The following ETF1 variants were observed in gnomAD, a reference collection of about 807,000 sequenced individuals.
ETF1 encodes eukaryotic translation termination factor 1.
In ETF1, 4 loss-of-function variants were observed where a neutral mutation model predicts 55.1. The observed-to-expected ratio is 0.07, with a 90% CI of 0.04 to 0.17. The LOEUF (loss-of-function observed/expected upper bound fraction) is 0.17, where lower values mean the gene tolerates loss of function less well. Among genes scored for constraint, ETF1 ranks in the 10% least tolerant of loss-of-function variants. The probability of loss-of-function intolerance (pLI) is 1.00; values close to 1 mark genes in which losing one functional copy is unlikely to be tolerated. For synonymous variants in ETF1, 157 were observed against 182.3 expected, an observed-to-expected ratio of 0.86 and a Z score of 1.12; for missense variants, 142 against 523.6, an observed-to-expected ratio of 0.27 and a Z score of 7.11.
At chr5:138,532,444 G>T (rs986562956) in intron 2 of ETF1, among the ~76,000 whole-genome samples, 4 of 152,160 alleles carry the variant, frequency 2.6e-5, no homozygotes, top group Non-Finnish European at 5.9e-5. Context: ...TATATGTCAA[G>T]TGCCTAGCTT....
rs11242432 is a variant in ETF1, at chr5:138,537,901, T to A, written c.86+4932A>T. ...GGCCCCTATTATTATTATTATTTTT[T>A]TTTTTTCTGAGACTGAGTTTTGCTC... On this transcript the variant is annotated intron_variant, in intron 2 of 10. Transcript: ENST00000360541. Among the ~76,000 whole-genome samples, 132 of 146,872 alleles carry A rather than the reference T, an allele frequency of 9.0e-4. 1 individual carries two copies. Among genetic ancestry groups the A allele is most frequent in the African/African-American group, 2.9e-3 (116 of 39,680 alleles).
At position 138,510,604 on chromosome 5, in the gene ETF1, T is replaced by C; in HGVS notation, c.1044A>G (p.Pro348=). The C allele has an allele frequency of 6.2e-7, 1 of 1,612,668 alleles. No homozygotes were observed. The highest frequency in any genetic ancestry group is 1.7e-5 in the Admixed American group (1 of 59,998). ...AATGAGATTTATCCTTTTCTTGCTC[T>C]GGAGTTAGATAGAGAATTTTCTCCT... The part of the protein sequence containing the change: ...TEEEKILYLT[P]EQEKDKSHFT... The change falls in exon 9 of 11, where the codon CCA becomes CCG. Residue 348 remains proline (P), a synonymous_variant. Transcript: ENST00000360541.
At position 138,512,809 on chromosome 5, in the gene ETF1, G is replaced by A. The variant is rs145474099; in HGVS notation, c.687C>T (p.Ser229=). 658 of 1,599,946 alleles carry A rather than the reference G, an allele frequency of 4.1e-4. No homozygotes were observed. The highest frequency in any genetic ancestry group is 5.3e-4 in the Non-Finnish European group (624 of 1,175,262). The change falls in exon 6 of 11, where the codon TCC becomes TCT. Residue 229 remains serine (S), a synonymous_variant. Transcript: ENST00000360541. ...GACTTAGTTCAGTTTTAAAGTCAGC[G>A]GATCCAGCTAAAACTAGACCAGCCA... is the stretch of plus-strand genomic sequence containing the variant. ...VNVAGLVLAG[S]ADFKTELSQS...
chr5:138,543,042 C>T, intron 1 of ETF1, 55 bp downstream of exon 1: 1 of 969,032 alleles, frequency 1.0e-6, no homozygotes, highest in Non-Finnish European at 1.6e-6. Flanking sequence ...CCCTCTCCTC[C>T]CGTCCGGTGC....
At chr5:138,539,622 C>A (rs955242171) in intron 2 of ETF1, among the ~76,000 whole-genome samples, 6 of 152,160 alleles carry the variant, frequency 3.9e-5, no homozygotes, top group African/African-American at 1.4e-4. Flanking sequence ...CTACCCAAAT[C>A]AAAAATCAAG....
At chr5:138,532,792 C>A (rs1189977426) in intron 2 of ETF1, among the ~76,000 whole-genome samples, 1 of 152,334 alleles carries the variant, frequency 6.6e-6, no homozygotes. Context: ...CATAGAAATT[C>A]ATTCCTTTCT....
chr5:138,525,397 C>T (rs1011113356), intron 2 of ETF1, among the ~76,000 whole-genome samples: 2 of 151,518 alleles, frequency 1.3e-5, no homozygotes, highest in Non-Finnish European at 2.9e-5. Context: ...ACCTCGTGAT[C>T]CGCCTGCCTC....
At chr5:138,514,035 A>T in intron 4 of ETF1, 1 of 462,316 alleles carries the variant, frequency 2.2e-6, no homozygotes, top group Non-Finnish European at 2.8e-6. Flanking sequence ...ACTCAATCTC[A>T]AAAAGGAAGA....
chr5:138,517,906 T>G, intron 3 of ETF1: 5 of 984,890 alleles, frequency 5.1e-6, no homozygotes, highest in Non-Finnish European at 6.0e-6. Context: ...ATTTATTCTT[T>G]AAAGTAAACA....
At chr5:138,536,542 C>T (rs1172291367) in intron 2 of ETF1, among the ~76,000 whole-genome samples, 1 of 152,198 alleles carries the variant, frequency 6.6e-6, no homozygotes. Context: ...TTCCTTCTCC[C>T]CCTCACTAAG....
In ETF1 at chr5:138,542,752, C is replaced by T. The variant is rs557999571; in HGVS notation, c.86+81G>A. On this transcript the variant is annotated intron_variant, in intron 2 of 10. Transcript: ENST00000360541. Reference sequence around the variant, plus strand: ...TTGGCTAGTGCCTGGTTCTCCTCATCCGGCCATGCGGCGCGGGGGCGTCCA... The same window carrying T: ...TTGGCTAGTGCCTGGTTCTCCTCATTCGGCCATGCGGCGCGGGGGCGTCCA... 99 of 1,569,858 alleles carry T rather than the reference C, an allele frequency of 6.3e-5. No individual in the cohort carries two copies. The East Asian group carries it at 1.9e-3, about 31-fold the overall frequency.
At chr5:138,542,595 G>T in intron 2 of ETF1, 3 of 1,395,136 alleles carry the variant, frequency 2.2e-6, no homozygotes, top group Non-Finnish European at 2.8e-6. Flanking sequence ...ACCACGAGGG[G>T]GGCCGAGTGA....
At position 138,507,859 on chromosome 5, in the gene ETF1, G is replaced by A. The variant is rs1447373174; in HGVS notation, c.*446C>T. The A allele has an allele frequency of 1.9e-5, 3 of 156,940 alleles. No individual in the cohort carries two copies. The highest frequency in any genetic ancestry group is 4.8e-5 in the African/African-American group (2 of 41,452). The allele number at this position is 156,940 out of a possible 1,614,324, so 9.7% of individuals were successfully genotyped here. ...GAATGCCATGTAAATGGGTCACTGCGAAATGCAGCAATTTAATTTTTCTCC... is the reference window on the plus strand; with the variant it reads ...GAATGCCATGTAAATGGGTCACTGCAAAATGCAGCAATTTAATTTTTCTCC... On this transcript the variant is annotated 3_prime_UTR_variant, in exon 11 of 11. Coordinates refer to ENST00000360541, the MANE Select transcript of ETF1 (RefSeq NM_004730.4).
At chr5:138,534,926 G>C (rs561918999) in intron 2 of ETF1, among the ~76,000 whole-genome samples, 2 of 45,376 alleles carry the variant, frequency 4.4e-5, no homozygotes, top group East Asian at 5.9e-4. Context: ...TAAGGGGGGG[G>C]GTCAAATGTA....
chr5:138,523,617 T>G (rs892557688), intron 2 of ETF1, among the ~76,000 whole-genome samples: 13 of 152,032 alleles, frequency 8.6e-5, no homozygotes, highest in African/African-American at 3.1e-4. Flanking sequence ...GGTAGATTAG[T>G]GGTTGCCAGG....
intron 2 of ETF1, among the ~76,000 whole-genome samples, chr5:138,520,131 G>A (rs1765175149): frequency 7.0e-6 from 1 of 143,358 alleles, no homozygotes; most frequent in Non-Finnish European, 1.5e-5. Flanking sequence ...AAAATCCAGG[G>A]AAATAATCAA....
intron 5 of ETF1, 70 bp downstream of exon 5, chr5:138,513,498 C>G: frequency 7.4e-7 from 1 of 1,347,548 alleles, no homozygotes; most frequent in East Asian, 2.3e-5. Flanking sequence ...GCCACCGCAC[C>G]CGGCCCACCA....
intron 4 of ETF1, among the ~76,000 whole-genome samples, chr5:138,514,982 T>C (rs1194534169): frequency 6.6e-6 from 1 of 152,202 alleles, no homozygotes; most frequent in East Asian, 1.9e-4. Context: ...CTCTTTGGCC[T>C]CCCAAAGTGC....
At chr5:138,528,105 A>T (rs1479438080) in intron 2 of ETF1, among the ~76,000 whole-genome samples, 1 of 152,192 alleles carries the variant, frequency 6.6e-6, no homozygotes, top group Non-Finnish European at 1.5e-5. Flanking sequence ...TGGTTTTTTA[A>T]AAAGCCGACA....
Sources: gnomAD v4.1 joint callset for allele counts (sites outside exome capture counted in the v4.1 genomes callset) on GRCh38, gnomAD v4.1.1 for gene constraint, MANE v1.5 for transcripts, NCBI Gene and HGNC (gene_info 2026-07-23, HGNC 2026-07-21) for gene names.